Variants in NAV2 observed in about 807,000 individuals in gnomAD.
The protein encoded by NAV2 is neuron navigator 2.
A neutral mutation model predicts 223.2 loss-of-function variants in NAV2; 54 were observed. That is an observed-to-expected ratio of 0.24 (90% CI 0.19 to 0.30). NAV2 has a LOEUF of 0.30. NAV2 is among the 10% of genes least tolerant of loss of function. The pLI is 1.00. For synonymous variants in NAV2, 1,279 were observed against 1,239.3 expected (o/e 1.03, Z -0.67); for missense variants, 2,806 against 3,147.5 (o/e 0.89, Z 2.60).
intron 1 of NAV2, among the ~76,000 whole-genome samples, chr11:19,596,795 T>A (rs547799023): frequency 4.4e-4 from 67 of 152,358 alleles, no homozygotes; most frequent in African/African-American, 1.5e-3. Context: ...GCACCTAGAA[T>A]AACAACTGGA....
intron 20 of NAV2, among the ~76,000 whole-genome samples, chr11:20,064,266 A>G (rs2058894959): frequency 6.6e-6 from 1 of 152,214 alleles, no homozygotes; most frequent in African/African-American, 2.4e-5. Flanking sequence ...AACAGTATTT[A>G]CTAGCACCAT....
rs182448497 is a variant in NAV2, at chr11:19,399,124, C to G, written c.75+48097C>G. Among the ~76,000 whole-genome samples the G allele has an allele frequency of 1.5e-3, 235 of 152,290 alleles. 2 individuals carry two copies. Among genetic ancestry groups the G allele is most frequent in the African/African-American group, 5.4e-3 (224 of 41,562 alleles). ...AAATGTGATCTTTGAGACTTGTTGG[C>G]CCTGTTCCACGGCACGAGAAAGTGG... On this transcript the variant is annotated intron_variant, in intron 1 of 37. Transcript: ENST00000360655.
At chr11:19,506,628 T>G (rs2134194087) in intron 1 of NAV2, 1 of 148,608 alleles carries the variant, frequency 6.7e-6, no homozygotes, top group Admixed American at 6.8e-5. Context: ...AGTTAGGAGT[T>G]CTGACTCAGT....
chr11:19,825,385 G>A (rs2059598001), intron 1 of NAV2, among the ~76,000 whole-genome samples: 1 of 148,066 alleles, frequency 6.8e-6, no homozygotes. Flanking sequence ...CCAAACAGTA[G>A]CATTCCCCTT....
rs76188473 is a variant in NAV2, at chr11:19,626,735, C to A, written c.76-205749C>A. 5.8e-3 allele frequency among the ~76,000 whole-genome samples: 879 copies of A among 152,228 alleles called. 10 individuals are homozygous for A. Among genetic ancestry groups the A allele is most frequent in the African/African-American group, 0.02 (839 of 41,554 alleles). On this transcript the variant is annotated intron_variant, in intron 1 of 37. Transcript: ENST00000360655. ...CTGTTTTGTAGTTTTCCATAGAAGT[C>A]TTTTACTGCTTCTGTTAACTTTATT... is the stretch of plus-strand genomic sequence containing the variant.
At chr11:19,803,534 T>C (rs2058385137) in intron 1 of NAV2, among the ~76,000 whole-genome samples, 1 of 152,234 alleles carries the variant, frequency 6.6e-6, no homozygotes, top group Non-Finnish European at 1.5e-5. Context: ...AGAGTGTCAG[T>C]GTCTTCATCT....
At chr11:19,419,084 A>G (rs1850503246) in intron 1 of NAV2, among the ~76,000 whole-genome samples, 1 of 152,178 alleles carries the variant, frequency 6.6e-6, no homozygotes. Flanking sequence ...CTGGGAGCTG[A>G]GCCCTGGAGA....
chr11:19,570,285 G>T (rs1214826077), intron 1 of NAV2, among the ~76,000 whole-genome samples: 1 of 152,190 alleles, frequency 6.6e-6, no homozygotes, highest in Non-Finnish European at 1.5e-5. Flanking sequence ...GATGGGAATG[G>T]TGATGATGAT....
At chr11:20,052,485 T>G (rs547205011) in intron 17 of NAV2, among the ~76,000 whole-genome samples, 48 of 152,334 alleles carry the variant, frequency 3.2e-4, no homozygotes, top group African/African-American at 1.1e-3. Flanking sequence ...GCCAGATGCT[T>G]AAATCATGGC....
At chr11:19,876,365 T>A (rs183045698) in intron 4 of NAV2, among the ~76,000 whole-genome samples, 1 of 152,152 alleles carries the variant, frequency 6.6e-6, no homozygotes, top group African/African-American at 2.4e-5. Context: ...TTCATAACAA[T>A]CCTACAGGAA....
intron 1 of NAV2, among the ~76,000 whole-genome samples, chr11:19,385,753 CTTTTTTTTTTTTTTT>C (rs201669772): frequency 1.3e-4 from 15 of 112,746 alleles, no homozygotes; most frequent in Non-Finnish European, 1.4e-4. Context: ...AATATAGCTC[CTTTTTTTTTTTTTTT>C]TTTTTTTTTT....
intron 11 of NAV2, among the ~76,000 whole-genome samples, chr11:19,988,554 T>C (rs958317673): frequency 2.6e-5 from 4 of 152,036 alleles, no homozygotes; most frequent in African/African-American, 7.2e-5. Flanking sequence ...CTTTTCTTCT[T>C]GTTATAAGTT....
At chr11:19,824,109 GTTTA>G (rs891400746) in intron 1 of NAV2, among the ~76,000 whole-genome samples, 2 of 152,142 alleles carry the variant, frequency 1.3e-5, no homozygotes, top group Admixed American at 1.3e-4. Flanking sequence ...AATAATGGTT[GTTTA>G]TTTACTACAT....
intron 1 of NAV2, among the ~76,000 whole-genome samples, chr11:19,685,049 G>T (rs182675817): frequency 6.6e-6 from 1 of 152,132 alleles, no homozygotes; most frequent in African/African-American, 2.4e-5. Flanking sequence ...TGGGTTTGGG[G>T]CAGGATGAGA....
chr11:19,834,473 G>T (rs1344096462), intron 2 of NAV2, among the ~76,000 whole-genome samples: 1 of 152,080 alleles, frequency 6.6e-6, no homozygotes, highest in African/African-American at 2.4e-5. Flanking sequence ...CACTTATTGA[G>T]CACCAATGTG....
chr11:19,669,060 G>A (rs553515253), intron 1 of NAV2, among the ~76,000 whole-genome samples: 2 of 152,324 alleles, frequency 1.3e-5, no homozygotes, highest in East Asian at 3.9e-4. Context: ...CCATTAGAGA[G>A]ATGGTTAGCT....
chr11:19,385,753 C>CTGTTTTTTTT, intron 1 of NAV2, among the ~76,000 whole-genome samples: 1 of 112,770 alleles, frequency 8.9e-6, no homozygotes, highest in Non-Finnish European at 1.8e-5. Flanking sequence ...AATATAGCTC[C>CTGTTTTTTTT]TTTTTTTTTT....
chr11:19,678,894 A>G (rs188964372), intron 1 of NAV2, among the ~76,000 whole-genome samples: 1 of 152,300 alleles, frequency 6.6e-6, no homozygotes, highest in African/African-American at 2.4e-5. Context: ...TAGGTGTTCA[A>G]ATTCAGAATT....
rs1565623233 is a variant in NAV2, at chr11:19,948,839, A to G, written c.2404A>G (p.Asn802Asp). ...AGCAGGAGACGCCCCCTCAATGGGC[A>G]ATGGGTATCCCCCTCGAGCCAACGC... ...LQAGDAPSMG[N>D]GYPPRANASR... Residue 802 changes from asparagine to aspartate, a missense_variant, in exon 10 of 38, where the codon AAT becomes GAT. Asn to Asp is a conservative substitution (Grantham distance 23, BLOSUM62 1). Coordinates refer to ENST00000349880, the MANE Select transcript of NAV2 (RefSeq NM_145117.5). The G allele has an allele frequency of 1.2e-6, 2 of 1,614,068 alleles. No homozygotes were observed. The highest frequency in any genetic ancestry group is 1.1e-5 in the South Asian group (1 of 91,068).
Sources: gnomAD v4.1 joint callset for allele counts (sites outside exome capture counted in the v4.1 genomes callset) on GRCh38, gnomAD v4.1.1 for gene constraint, MANE v1.5 for transcripts, NCBI Gene and HGNC (gene_info 2026-07-23, HGNC 2026-07-21) for gene names.